The following SRRM1 variants were observed in gnomAD, a reference collection of about 807,000 sequenced individuals.
The protein encoded by SRRM1 is serine and arginine repetitive matrix 1, also known as serine/arginine repetitive matrix protein 1.
SRRM1 carries 19 observed loss-of-function variants against 110.2 expected under a neutral mutation model. The ratio of observed to expected loss-of-function variants is 0.17; its 90% CI spans 0.12 to 0.25. The LOEUF (loss-of-function observed/expected upper bound fraction) is 0.25. SRRM1 is among the 10% of genes least tolerant of loss of function. The probability of loss-of-function intolerance (pLI) is 1.00; values close to 1 mark genes in which losing one functional copy is unlikely to be tolerated. For synonymous variants in SRRM1, 443 were observed against 414.9 expected (o/e 1.07, Z -0.82); for missense variants, 918 against 1,145.8 (o/e 0.80, Z 2.87).
Position 24,661,397 on chromosome 1 carries a change from G to A in SRRM1, c.1483+1G>A. 6.2e-7 allele frequency: 1 copy of A among 1,609,006 alleles called. No individual in the cohort carries two copies. The highest frequency in any genetic ancestry group is 8.5e-7 in the Non-Finnish European group (1 of 1,177,242). ...CGACAAAACCAGCAGTCTTCATCTG[G>A]TATGGATGGTGATGAAAGTTTTTTT... On this transcript the variant is annotated splice_donor_variant, in intron 11 of 16. Transcript: ENST00000323848. LOFTEE classifies it high-confidence loss of function.
At chr1:24,659,206 A>C (rs192706203) in intron 9 of SRRM1, among the ~76,000 whole-genome samples, 2 of 151,990 alleles carry the variant, frequency 1.3e-5, no homozygotes, top group Non-Finnish European at 2.9e-5. Flanking sequence ...AAAAAAAAAA[A>C]AGAGAGAGAA....
intron 12 of SRRM1, 158 bp from the exon 13 acceptor site, chr1:24,666,657 C>T (rs113777569): frequency 1.7e-6 from 1 of 572,860 alleles, no homozygotes; most frequent in South Asian, 2.1e-5. Flanking sequence ...CCCAACTACT[C>T]AGGAGGCTGA....
At chr1:24,662,582 A>G in intron 11 of SRRM1, 78 bp from the exon 12 acceptor site, 1 of 1,481,484 alleles carries the variant, frequency 6.7e-7, no homozygotes, top group Non-Finnish European at 9.3e-7. Context: ...TGAACACTCC[A>G]TCCACCTAGA....
rs929674087 is a variant in SRRM1, at chr1:24,649,020, A to G, written c.396A>G (p.Lys132=). 1.9e-6 allele frequency: 3 copies of G among 1,611,276 alleles called. No individual in the cohort carries two copies. In the African/African-American group the frequency reaches 4.0e-5, roughly 22 times the overall value. The change falls in exon 4 of 17, where the codon AAA becomes AAG. Residue 132 remains lysine (K), a synonymous_variant. Transcript: ENST00000323848. ...AFLELKKEEI[K]QRQIEQEKLA... ...TAGAACTGAAGAAAGAAGAAATAAA[A>G]CAAAGACAGGTAATAACCTTTTCTT... is the stretch of plus-strand genomic sequence containing the variant.
intron 10 of SRRM1, chr1:24,661,005 C>A (rs1666959668): frequency 1.1e-5 from 6 of 538,870 alleles, no homozygotes; most frequent in Middle Eastern, 5.0e-4. Flanking sequence ...CTTATCTGAG[C>A]CTTTCTTCTT....
rs775472955 is a variant in SRRM1 at position 24,669,484 on chromosome 1, C to G, written c.2101C>G (p.Arg701Gly). 7 of 1,612,682 alleles carry G rather than the reference C, an allele frequency of 4.3e-6. No homozygotes were observed. In the South Asian group the frequency reaches 5.5e-5, roughly 13 times the overall value. ...GACCTCCTCAAGTCCTCCACCCGTT[C>G]GAAGAGGAGCGTCGTCATCACCCCA... ...PQTSSSPPPV[R>G]RGASSSPQRR... Residue 701 changes from arginine to glycine, a missense_variant, in exon 14 of 17, where the codon CGA becomes GGA. Coordinates refer to ENST00000323848, the MANE Select transcript of SRRM1 (RefSeq NM_005839.4).
At chr1:24,669,684 A>G (rs1671760830) in intron 14 of SRRM1, 97 bp downstream of exon 14, 1 of 977,330 alleles carries the variant, frequency 1.0e-6, no homozygotes, top group Non-Finnish European at 1.5e-6. Flanking sequence ...TAAGTTATGA[A>G]TATGAGCTTT....
intron 3 of SRRM1, 105 bp downstream of exon 3, chr1:24,646,894 A>G (rs915844155): frequency 1.1e-6 from 1 of 916,524 alleles, no homozygotes; most frequent in African/African-American, 1.7e-5. Context: ...GGGTTATTTT[A>G]CAATGTTTGT....
At chr1:24,652,827 T>C in intron 7 of SRRM1, 86 bp from the exon 8 acceptor site, 1 of 1,483,680 alleles carries the variant, frequency 6.7e-7, no homozygotes, top group Non-Finnish European at 9.0e-7. Flanking sequence ...TGAAATTTAT[T>C]TTTTAGATGT....
intron 9 of SRRM1, among the ~76,000 whole-genome samples, chr1:24,657,506 G>T (rs955171918): frequency 2.0e-5 from 3 of 152,164 alleles, no homozygotes; most frequent in Non-Finnish European, 4.4e-5. Context: ...AGTTTCTGCT[G>T]CTTAGAACAG....
At chr1:24,647,757 A>G (rs558819579) in intron 3 of SRRM1, 3 of 152,764 alleles carry the variant, frequency 2.0e-5, no homozygotes, top group African/African-American at 7.2e-5. Context: ...AATATTTTTA[A>G]AGACTAATTT....
chr1:24,663,872 T>A (rs1668459163), intron 12 of SRRM1, among the ~76,000 whole-genome samples: 1 of 111,922 alleles, frequency 8.9e-6, no homozygotes, highest in African/African-American at 3.6e-5. Flanking sequence ...CTAAATTCCC[T>A]CTCAAAAATA....
intron 9 of SRRM1, among the ~76,000 whole-genome samples, chr1:24,658,208 A>ATT (rs573100578): frequency 4.2e-4 from 58 of 137,506 alleles, no homozygotes; most frequent in Middle Eastern, 3.8e-3. Flanking sequence ...GATGGTATAA[A>ATT]TTTTTTTTTT....
At position 24,672,539 on chromosome 1, in the gene SRRM1, T is replaced by A. The variant is rs1220774609; in HGVS notation, c.*253T>A. The A allele has an allele frequency of 4.5e-6, 1 of 224,622 alleles. No individual in the cohort carries two copies. Among genetic ancestry groups the A allele is most frequent in the Non-Finnish European group, 8.7e-6 (1 of 114,512 alleles). The allele number at this position is 224,622 out of a possible 1,614,324, so 13.9% of individuals were successfully genotyped here. A position where few individuals can be genotyped will look rare whatever the true frequency, so the allele number is the denominator to read the frequency against. On this transcript the variant is annotated 3_prime_UTR_variant, in exon 17 of 17. Coordinates refer to ENST00000323848, the MANE Select transcript of SRRM1 (RefSeq NM_005839.4). ...TTTAAGCCAAAAAAAAATTCCCTTTTTAAAAAAGGGGGTTTAAATACTGTT... is the reference window on the plus strand; with the variant it reads ...TTTAAGCCAAAAAAAAATTCCCTTTATAAAAAAGGGGGTTTAAATACTGTT...
chr1:24,661,808 G>T (rs527272077), intron 11 of SRRM1, among the ~76,000 whole-genome samples: 1 of 152,296 alleles, frequency 6.6e-6, no homozygotes, highest in South Asian at 2.1e-4. Context: ...TAAAAATCTA[G>T]ACTGGGCGCA....
At chr1:24,645,174 G>A (rs1656701672) in intron 1 of SRRM1, among the ~76,000 whole-genome samples, 1 of 152,138 alleles carries the variant, frequency 6.6e-6, no homozygotes, top group African/African-American at 2.4e-5. Context: ...ATTTTAGCAG[G>A]GAAGGAACTA....
chr1:24,658,402 T>A (rs1307273013), intron 9 of SRRM1, among the ~76,000 whole-genome samples: 1 of 152,124 alleles, frequency 6.6e-6, no homozygotes, highest in African/African-American at 2.4e-5. Flanking sequence ...TAAAGACTAC[T>A]TTAGCTGAGT....
chr1:24,652,886 A>G, intron 7 of SRRM1, 27 bp from the exon 8 acceptor site: 1 of 1,604,362 alleles, frequency 6.2e-7, no homozygotes, highest in African/African-American at 1.3e-5. Context: ...TGGTTTATTC[A>G]GGACCTAATT....
chr1:24,670,370 T>C (rs1440401005), intron 15 of SRRM1, 55 bp downstream of exon 15: 19 of 1,474,718 alleles, frequency 1.3e-5, no homozygotes, highest in Admixed American at 2.4e-5. Flanking sequence ...ATGGTCACTT[T>C]GAAGCAGAGA....
Sources: gnomAD v4.1 joint callset for allele counts (sites outside exome capture counted in the v4.1 genomes callset) on GRCh38, gnomAD v4.1.1 for gene constraint, MANE v1.5 for transcripts, NCBI Gene and HGNC (gene_info 2026-07-23, HGNC 2026-07-21) for gene names.